The following SPATA17 variants were observed in gnomAD, a reference collection of about 807,000 sequenced individuals.
SPATA17 encodes the protein spermatogenesis associated 17, also known as spermatogenesis-associated protein 17.
SPATA17 carries 53 observed loss-of-function variants against 62.2 expected under a neutral mutation model. The ratio of observed to expected loss-of-function variants is 0.85; its 90% CI spans 0.68 to 1.07. The LOEUF (loss-of-function observed/expected upper bound fraction) is 1.07. SPATA17 is among the 50% of genes least tolerant of loss of function. The pLI, the probability that SPATA17 is intolerant of heterozygous loss-of-function variation, is 0.00. For missense variants in SPATA17, 466 were observed against 425.5 expected (o/e 1.10, Z -0.84); for synonymous variants, 146 against 146.8 (o/e 0.99, Z 0.04).
intron 10 of SPATA17, among the ~76,000 whole-genome samples, chr1:217,864,380 TAA>T (rs1204513613): frequency 1.3e-5 from 2 of 152,202 alleles, no homozygotes; most frequent in Non-Finnish European, 2.9e-5. Context: ...TAAAATGTTA[TAA>T]GTCTTTACCC....
rs551988828 is a variant in SPATA17 at position 217,712,128 on chromosome 1, C to CTTTTTTTTTTTTTT, written c.395+28771_395+28772insTTTTTTTTTTTTTT. On this transcript the variant is annotated intron_variant, in intron 5 of 10. Coordinates refer to ENST00000366933, the MANE Select transcript of SPATA17 (RefSeq NM_138796.4). Reference sequence around the variant, plus strand: ...GGACCCTTAAGTTCTACAATATGTTCTTTTGTTTTTTTTTTTTTACGGAGT... The same window carrying CTTTTTTTTTTTTTT: ...GGACCCTTAAGTTCTACAATATGTTCTTTTTTTTTTTTTTTTTTGTTTTTTTTTTTTTACGGAGT... 1.5e-3 allele frequency among the ~76,000 whole-genome samples: 201 copies of CTTTTTTTTTTTTTT among 134,104 alleles called. 7 individuals carry two copies. Among genetic ancestry groups the CTTTTTTTTTTTTTT allele is most frequent in the African/African-American group, 4.9e-3 (172 of 34,962 alleles). The allele number at this position is 134,104 out of a possible 152,430, so 88.0% of individuals were successfully genotyped here. A position where few individuals can be genotyped will look rare whatever the true frequency, so the allele number is the denominator to read the frequency against.
chr1:217,688,325 C>A (rs770975514), intron 5 of SPATA17, among the ~76,000 whole-genome samples: 2 of 152,200 alleles, frequency 1.3e-5, no homozygotes, highest in Non-Finnish European at 2.9e-5. Context: ...CTGGAGGCTT[C>A]TTTCTACCAA....
intron 3 of SPATA17, 87 bp downstream of exon 3, chr1:217,651,265 G>C (rs1465746461): frequency 1.9e-6 from 2 of 1,065,544 alleles, no homozygotes; most frequent in Non-Finnish European, 2.7e-6. Flanking sequence ...ATATAGTTTG[G>C]AAATTACTGA....
At chr1:217,812,310 T>G (rs1189241694) in intron 9 of SPATA17, among the ~76,000 whole-genome samples, 2 of 152,156 alleles carry the variant, frequency 1.3e-5, no homozygotes, top group Non-Finnish European at 2.9e-5. Flanking sequence ...AAATATTATT[T>G]AAATTTTTGT....
intron 10 of SPATA17, chr1:217,866,543 C>G (rs908512998): frequency 6.6e-6 from 1 of 152,404 alleles, no homozygotes; most frequent in Non-Finnish European, 1.5e-5. Flanking sequence ...TCACTGCAAC[C>G]TCGAACTCCT....
chr1:217,853,591 G>T (rs1314853366), intron 9 of SPATA17, among the ~76,000 whole-genome samples: 1 of 152,112 alleles, frequency 6.6e-6, no homozygotes. Flanking sequence ...CTTGTTATCT[G>T]CAGTAGTTAT....
intron 4 of SPATA17, among the ~76,000 whole-genome samples, chr1:217,670,384 G>A (rs907271490): frequency 6.6e-6 from 1 of 152,084 alleles, no homozygotes; most frequent in Non-Finnish European, 1.5e-5. Flanking sequence ...GAGTTAGAAA[G>A]GTGCGTACTT....
chr1:217,744,878 T>C (rs1182489291), intron 6 of SPATA17, among the ~76,000 whole-genome samples: 1 of 152,130 alleles, frequency 6.6e-6, no homozygotes, highest in Non-Finnish European at 1.5e-5. Flanking sequence ...CTTGGAAGAA[T>C]GTGATGAGGA....
At chr1:217,675,240 C>G (rs1215470972) in intron 4 of SPATA17, among the ~76,000 whole-genome samples, 1 of 152,134 alleles carries the variant, frequency 6.6e-6, no homozygotes, top group Non-Finnish European at 1.5e-5. Context: ...GAAAATTATA[C>G]TTATTTTTTC....
intron 5 of SPATA17, among the ~76,000 whole-genome samples, chr1:217,718,204 GTC>G (rs1672050926): frequency 1.3e-5 from 2 of 152,122 alleles, no homozygotes; most frequent in Non-Finnish European, 2.9e-5. Context: ...TCAGATATGA[GTC>G]TACCTCAAAA....
At chr1:217,776,828 T>C (rs1225546645) in intron 7 of SPATA17, among the ~76,000 whole-genome samples, 1 of 152,076 alleles carries the variant, frequency 6.6e-6, no homozygotes, top group East Asian at 1.9e-4. Context: ...CCTCCTCACA[T>C]TGGCATCTTC....
chr1:217,670,970 A>T (rs1339950688), intron 4 of SPATA17, among the ~76,000 whole-genome samples: 1 of 151,394 alleles, frequency 6.6e-6, no homozygotes, highest in South Asian at 2.1e-4. Flanking sequence ...AAAAAAAAAA[A>T]AAGAAATCCC....
chr1:217,777,027 G>A (rs1008617208), intron 7 of SPATA17, among the ~76,000 whole-genome samples: 1 of 150,720 alleles, frequency 6.6e-6, no homozygotes, highest in African/African-American at 2.4e-5. Flanking sequence ...ACTACCCGAC[G>A]GTGTGGATAC....
chr1:217,772,579 C>T (rs1015179104), intron 6 of SPATA17, among the ~76,000 whole-genome samples: 1 of 151,978 alleles, frequency 6.6e-6, no homozygotes, highest in African/African-American at 2.4e-5. Flanking sequence ...TGAAAGCAGT[C>T]AATACAATTC....
intron 9 of SPATA17, among the ~76,000 whole-genome samples, chr1:217,838,329 G>A (rs897669484): frequency 2.6e-5 from 4 of 151,922 alleles, no homozygotes; most frequent in Non-Finnish European, 5.9e-5. Flanking sequence ...CTGATGTTAT[G>A]TTTTTTCGCT....
At chr1:217,858,171 TA>T (rs1454744799) in intron 9 of SPATA17, among the ~76,000 whole-genome samples, 4 of 152,198 alleles carry the variant, frequency 2.6e-5, no homozygotes, top group African/African-American at 9.6e-5. Flanking sequence ...ATGGATAATT[TA>T]ACACAAATGA....
chr1:217,714,186 G>A (rs527878887), intron 5 of SPATA17, among the ~76,000 whole-genome samples: 3 of 152,024 alleles, frequency 2.0e-5, no homozygotes, highest in Non-Finnish European at 4.4e-5. Context: ...TCAGTAGTTC[G>A]AGACCAGACT....
chr1:217,773,458 A>C, intron 6 of SPATA17, among the ~76,000 whole-genome samples: 1 of 152,156 alleles, frequency 6.6e-6, no homozygotes, highest in Non-Finnish European at 1.5e-5. Flanking sequence ...GGAACCATAT[A>C]TCAAAGATTG....
At chr1:217,808,688 C>G (rs771258781) in intron 9 of SPATA17, among the ~76,000 whole-genome samples, 1 of 151,924 alleles carries the variant, frequency 6.6e-6, no homozygotes, top group African/African-American at 2.4e-5. Flanking sequence ...CCTGTCTCTA[C>G]TAAAAATACA....
Sources: gnomAD v4.1 joint callset for allele counts (sites outside exome capture counted in the v4.1 genomes callset) on GRCh38, gnomAD v4.1.1 for gene constraint, MANE v1.5 for transcripts, NCBI Gene and HGNC (gene_info 2026-07-23, HGNC 2026-07-21) for gene names.